Variants in TRDN observed in about 807,000 individuals in gnomAD.
TRDN encodes triadin, also known as triadin in skeletal muscle.
Under a neutral mutation model 149.7 loss-of-function variants are expected in TRDN, and 161 were observed. The observed-to-expected ratio is 1.08, with a 90% CI of 0.95 to 1.23. The LOEUF is 1.23. TRDN is among the 50% of genes most tolerant of loss of function. The pLI is 0.00. For missense variants in TRDN, 896 were observed against 823.5 expected (o/e 1.09, Z -1.08); for synonymous variants, 294 against 250.5 (o/e 1.17, Z -1.64).
rs377219801 is a variant in TRDN at position 123,547,420 on chromosome 6, A to G, written c.392-48T>C. On this transcript the variant is annotated intron_variant, in intron 3 of 40. Transcript: ENST00000334268. ...ACAAAGTTAGAAAATATTTTAGCATAGAATAATATGACATCATTATTTTCC... is the reference window on the plus strand; with the variant it reads ...ACAAAGTTAGAAAATATTTTAGCATGGAATAATATGACATCATTATTTTCC... The G allele has an allele frequency of 4.2e-5, 47 of 1,114,380 alleles. No individual in the cohort carries two copies. The African/African-American group carries it at 7.1e-4, about 17-fold the overall frequency. 69.0% of individuals were successfully genotyped at this position (1,114,380 alleles called of 1,614,324 possible).
chr6:123,394,680 G>A (rs1189651670), intron 12 of TRDN, among the ~76,000 whole-genome samples: 3 of 151,658 alleles, frequency 2.0e-5, no homozygotes, highest in Admixed American at 6.6e-5. Flanking sequence ...ACCTCTTGTT[G>A]GTAAGATAAT....
intron 38 of TRDN, among the ~76,000 whole-genome samples, chr6:123,224,353 C>T (rs1237029516): frequency 6.6e-6 from 1 of 151,676 alleles, no homozygotes; most frequent in Non-Finnish European, 1.5e-5. Flanking sequence ...GGTAATCAGG[C>T]TGGTAAAGGT....
chr6:123,549,503 C>CT (rs1440700910), intron 2 of TRDN, among the ~76,000 whole-genome samples: 3 of 151,970 alleles, frequency 2.0e-5, no homozygotes, highest in Non-Finnish European at 2.9e-5. Context: ...ACTATTTTAG[C>CT]TTTTCAGAGA....
At chr6:123,432,035 T>C (rs2114573865) in intron 12 of TRDN, among the ~76,000 whole-genome samples, 1 of 152,264 alleles carries the variant, frequency 6.6e-6, no homozygotes, top group Middle Eastern at 3.4e-3. Flanking sequence ...TTGATGGAAA[T>C]AGATACGAAT....
chr6:123,357,063 A>ATTC (rs770538966), intron 20 of TRDN, among the ~76,000 whole-genome samples: 17 of 151,654 alleles, frequency 1.1e-4, no homozygotes, highest in Non-Finnish European at 2.4e-4. Flanking sequence ...GCTATCTTTT[A>ATTC]TTCCGCCTTT....
At chr6:123,563,112 T>C (rs1782089064) in intron 2 of TRDN, among the ~76,000 whole-genome samples, 1 of 152,234 alleles carries the variant, frequency 6.6e-6, no homozygotes, top group Non-Finnish European at 1.5e-5. Context: ...GTTATTTCAG[T>C]ATATAATTGT....
chr6:123,620,143 C>T (rs1474791684), intron 1 of TRDN, among the ~76,000 whole-genome samples: 1 of 152,112 alleles, frequency 6.6e-6, no homozygotes, highest in Non-Finnish European at 1.5e-5. Context: ...GGATCTTTAT[C>T]CCTAATTAAT....
At chr6:123,381,807 T>C (rs1354980905) in intron 15 of TRDN, among the ~76,000 whole-genome samples, 2 of 152,094 alleles carry the variant, frequency 1.3e-5, no homozygotes, top group African/African-American at 4.8e-5. Flanking sequence ...GTGTGCTTTC[T>C]AGTAAAATAA....
intron 1 of TRDN, among the ~76,000 whole-genome samples, chr6:123,620,554 G>A (rs535203848): frequency 7.9e-5 from 12 of 151,568 alleles, no homozygotes; most frequent in African/African-American, 1.9e-4. Context: ...TTTTTTTTTC[G>A]TTTTTGGAGG....
chr6:123,560,952 T>C (rs1055565754), intron 2 of TRDN, among the ~76,000 whole-genome samples: 3 of 152,224 alleles, frequency 2.0e-5, no homozygotes, highest in African/African-American at 7.2e-5. Context: ...CCTCAGGGAT[T>C]GTTCAGGCCT....
chr6:123,416,698 C>CTTTTTTTTTT (rs139842688), intron 12 of TRDN, among the ~76,000 whole-genome samples: 5 of 146,266 alleles, frequency 3.4e-5, no homozygotes, highest in African/African-American at 2.5e-5. Flanking sequence ...TTCTTTTCCT[C>CTTTTTTTTTT]TTTTTTTCTT....
chr6:123,429,596 A>C (rs990765113), intron 12 of TRDN, among the ~76,000 whole-genome samples: 9 of 152,198 alleles, frequency 5.9e-5, no homozygotes, highest in African/African-American at 2.2e-4. Context: ...CTCAGGCCAC[A>C]CTGTCACATT....
At chr6:123,597,971 G>A (rs1784113947) in intron 1 of TRDN, among the ~76,000 whole-genome samples, 1 of 151,950 alleles carries the variant, frequency 6.6e-6, no homozygotes. Flanking sequence ...CTTTGAAGAT[G>A]ACTTTAGTTC....
chr6:123,373,521 T>G (rs543567252), intron 19 of TRDN, among the ~76,000 whole-genome samples: 1 of 152,282 alleles, frequency 6.6e-6, no homozygotes, highest in South Asian at 2.1e-4. Context: ...GTCCATGTCC[T>G]CCAGTATTTT....
At position 123,389,896 on chromosome 6, in the gene TRDN, C is replaced by A. The variant is rs1027598047; in HGVS notation, c.1106-1345G>T. ...AATGAATTAAATGATATGGACATGG[C>A]CTGATGAATTTCAAAGCCATGAGGT... is the stretch of plus-strand genomic sequence containing the variant. On this transcript the variant is annotated intron_variant, in intron 13 of 40. Coordinates refer to ENST00000334268, the MANE Select transcript of TRDN (RefSeq NM_006073.4). 2.6e-5 allele frequency among the ~76,000 whole-genome samples: 4 copies of A among 151,974 alleles called. No homozygotes were observed. The East Asian group carries it at 7.7e-4, about 29-fold the overall frequency.
intron 12 of TRDN, among the ~76,000 whole-genome samples, chr6:123,399,066 C>T (rs1772852658): frequency 1.3e-5 from 2 of 151,996 alleles, no homozygotes; most frequent in African/African-American, 2.4e-5. Context: ...GATTATTTCA[C>T]GGCTACTAAA....
intron 10 of TRDN, among the ~76,000 whole-genome samples, chr6:123,448,914 C>T (rs1468713088): frequency 1.3e-5 from 2 of 152,150 alleles, no homozygotes; most frequent in African/African-American, 4.8e-5. Context: ...CAGACAACCC[C>T]AGTACCAGCC....
chr6:123,561,041 G>C (rs530111054), intron 2 of TRDN, among the ~76,000 whole-genome samples: 15 of 152,160 alleles, frequency 9.9e-5, no homozygotes, highest in Non-Finnish European at 1.9e-4. Flanking sequence ...CATGCCCCGA[G>C]TCAGAAAACT....
At chr6:123,284,381 A>G (rs1260706396) in intron 24 of TRDN, among the ~76,000 whole-genome samples, 2 of 151,922 alleles carry the variant, frequency 1.3e-5, no homozygotes, top group Non-Finnish European at 2.9e-5. Context: ...AATAAATATG[A>G]TATACCACAT....
Sources: allele counts gnomAD v4.1 joint callset (sites outside exome capture counted in the v4.1 genomes callset), GRCh38; gene constraint gnomAD v4.1.1; transcripts MANE v1.5; gene names NCBI Gene and HGNC (gene_info 2026-07-23, HGNC 2026-07-21).